Variants in ORC5 observed in about 807,000 individuals in gnomAD.
The protein encoded by ORC5 is protein phosphatase 1, regulatory subunit 117.
Under a neutral mutation model 58.8 loss-of-function variants are expected in ORC5, and 39 were observed. The ratio of observed to expected loss-of-function variants is 0.66; its 90% CI spans 0.51 to 0.87. The LOEUF is 0.87. ORC5 is among the 40% of genes least tolerant of loss of function. The pLI is 0.00. For missense variants in ORC5, 493 were observed against 506.3 expected (o/e 0.97, Z 0.25); for synonymous variants, 218 against 177.6 (o/e 1.23, Z -1.81).
intron 12 of ORC5, among the ~76,000 whole-genome samples, chr7:104,142,166 T>C (rs979056698): frequency 9.2e-5 from 14 of 152,214 alleles, no homozygotes; most frequent in African/African-American, 3.4e-4. Context: ...TAAATGGTAC[T>C]GGAAATATTG....
At chr7:104,157,350 T>C (rs1270560992) in intron 12 of ORC5, among the ~76,000 whole-genome samples, 3 of 152,034 alleles carry the variant, frequency 2.0e-5, no homozygotes, top group Admixed American at 6.6e-5. Flanking sequence ...TGAGAATAAC[T>C]AAGATTGTGT....
intron 1 of ORC5, among the ~76,000 whole-genome samples, chr7:104,205,034 T>C (rs977863723): frequency 6.6e-6 from 1 of 151,568 alleles, no homozygotes; most frequent in African/African-American, 2.4e-5. Context: ...GAGGAAATTA[T>C]AGTCTACATT....
chr7:104,206,198 A>C (rs1364927740), intron 1 of ORC5, among the ~76,000 whole-genome samples: 1 of 152,208 alleles, frequency 6.6e-6, no homozygotes, highest in Non-Finnish European at 1.5e-5. Context: ...AACTGCAATA[A>C]GCTAGTACCT....
At chr7:104,199,733 A>C (rs893779206) in intron 3 of ORC5, among the ~76,000 whole-genome samples, 5 of 152,220 alleles carry the variant, frequency 3.3e-5, no homozygotes, top group Admixed American at 3.3e-4. Flanking sequence ...TTAAGCTGGA[A>C]TGAGTTAAGA....
At position 104,188,195 on chromosome 7, in the gene ORC5, TACAC is replaced by T. The variant is rs34643155; in HGVS notation, c.684+52_684+55del. ...AAATACATATATACACATATATGTA[TACAC>T]ACACACACACACACACACATATATA... On this transcript the variant is annotated intron_variant, in intron 6 of 13. Transcript: ENST00000297431. The T allele has an allele frequency of 4.9e-4, 501 of 1,015,220 alleles. 1 individual carries two copies. The highest frequency in any genetic ancestry group is 5.8e-4 in the Non-Finnish European group (399 of 690,058). 62.9% of individuals were successfully genotyped at this position (1,015,220 alleles called of 1,614,324 possible).
chr7:104,188,494 T>G, intron 5 of ORC5, 113 bp from the exon 6 acceptor site: 1 of 654,284 alleles, frequency 1.5e-6, no homozygotes, highest in Non-Finnish European at 2.5e-6. Context: ...CAGCAACAAT[T>G]AAGGAATAAT....
At chr7:104,204,400 A>T (rs1418603198) in intron 1 of ORC5, among the ~76,000 whole-genome samples, 166 bp from the exon 2 acceptor site, 1 of 152,088 alleles carries the variant, frequency 6.6e-6, no homozygotes, top group Non-Finnish European at 1.5e-5. Context: ...CTTGAATTCA[A>T]CTCTAAGCAC....
intron 13 of ORC5, 91 bp from the exon 14 acceptor site, chr7:104,126,984 T>C (rs1798438998): frequency 3.6e-6 from 3 of 827,330 alleles, no homozygotes; most frequent in Non-Finnish European, 3.9e-6. Context: ...AAATAATTCA[T>C]GACTAATGCT....
intron 12 of ORC5, among the ~76,000 whole-genome samples, chr7:104,152,664 T>C (rs887374662): frequency 6.6e-6 from 1 of 152,148 alleles, no homozygotes; most frequent in Non-Finnish European, 1.5e-5. Context: ...TTTTTGTGTG[T>C]TGTCAGCTAA....
In ORC5 at chr7:104,136,900, G is replaced by C; in HGVS notation, c.1150-7C>G. 6.3e-7 allele frequency: 1 copy of C among 1,580,714 alleles called. No individual in the cohort carries two copies. The highest frequency in any genetic ancestry group is 8.7e-7 in the Non-Finnish European group (1 of 1,149,840). On this transcript the variant is annotated splice_polypyrimidine_tract_variant and splice_region_variant and intron_variant, in intron 12 of 13. Coordinates refer to ENST00000297431, the MANE Select transcript of ORC5 (RefSeq NM_002553.4). The surrounding 1 kb of genome is among the most constrained non-coding windows in gnomAD (Gnocchi z 4.2). ...GGGTCACTAGAGAGGTAATCTAAAA[G>C]AGAACATTTTTATAAGAAACTGTTT...
chr7:104,189,517 T>C (rs756706716), intron 5 of ORC5, among the ~76,000 whole-genome samples: 1 of 152,112 alleles, frequency 6.6e-6, no homozygotes, highest in Non-Finnish European at 1.5e-5. Flanking sequence ...CCCCACCTCC[T>C]GTCCTTGGGA....
intron 4 of ORC5, among the ~76,000 whole-genome samples, chr7:104,196,478 GCCA>G (rs1202776082): frequency 2.0e-5 from 3 of 152,154 alleles, no homozygotes; most frequent in South Asian, 4.2e-4. Context: ...TCCAGAATAG[GCCA>G]CCAATAGCTA....
intron 5 of ORC5, among the ~76,000 whole-genome samples, chr7:104,193,785 C>T (rs10248278): frequency 0.11 from 16,868 of 150,646 alleles, 1,651 homozygotes; most frequent in African/African-American, 0.27. Context: ...TTTAACTTGG[C>T]TCCATTATTA....
At chr7:104,203,011 G>A (rs1799982484) in intron 2 of ORC5, among the ~76,000 whole-genome samples, 1 of 152,176 alleles carries the variant, frequency 6.6e-6, no homozygotes, top group Admixed American at 6.5e-5. Flanking sequence ...AAACAGGGGG[G>A]CATCTGATAC....
intron 13 of ORC5, among the ~76,000 whole-genome samples, chr7:104,128,324 T>C (rs550223990): frequency 6.6e-6 from 1 of 152,164 alleles, no homozygotes; most frequent in Non-Finnish European, 1.5e-5. Context: ...AGTTTCATCA[T>C]GTTGGCCAGG....
chr7:104,197,819 A>C lies in ORC5; in HGVS notation c.367-20T>G, dbSNP rs1799838315. Reference sequence around the variant, plus strand: ...TAGAACCTTTAAAAAACAAAAAAACAAAACAAAAAGAAATGCATTTACAAA... The same window carrying C: ...TAGAACCTTTAAAAAACAAAAAAACCAAACAAAAAGAAATGCATTTACAAA... On this transcript the variant is annotated intron_variant, in intron 3 of 13. Coordinates refer to ENST00000297431, the MANE Select transcript of ORC5 (RefSeq NM_002553.4). The C allele has an allele frequency of 6.8e-7, 1 of 1,469,378 alleles. No homozygotes were observed. The highest frequency in any genetic ancestry group is 9.3e-7 in the Non-Finnish European group (1 of 1,080,188). 91.0% of individuals were successfully genotyped at this position (1,469,378 alleles called of 1,614,324 possible).
rs187761716 is a variant in ORC5 at position 104,166,865 on chromosome 7, A to G, written c.897T>C (p.His299=). ...ACTTAGAGTAATATGGAAGTTCCACATGAGTATGCGCTGAGAGGCCTATAT... is the reference window on the plus strand; with the variant it reads ...ACTTAGAGTAATATGGAAGTTCCACGTGAGTATGCGCTGAGAGGCCTATAT... ...GQLKGLSAHT[H]VELPYYSKFI... is the part of the protein sequence containing the mutation. Residue 299 remains histidine, a synonymous_variant, in exon 10 of 14, where the codon CAT becomes CAC. Coordinates refer to ENST00000297431, the MANE Select transcript of ORC5 (RefSeq NM_002553.4). 8.7e-6 allele frequency: 14 copies of G among 1,606,930 alleles called. No homozygotes were observed. The highest frequency in any genetic ancestry group is 3.3e-4 in the Middle Eastern group (2 of 6,046).
intron 13 of ORC5, among the ~76,000 whole-genome samples, chr7:104,135,388 T>G (rs1168492167): frequency 6.6e-6 from 1 of 152,206 alleles, no homozygotes; most frequent in African/African-American, 2.4e-5. Flanking sequence ...ACTAAAACCC[T>G]TGAATTCATG....
chr7:104,188,220 A>G lies in ORC5; in HGVS notation c.684+31T>C, dbSNP rs768341046. The G allele has an allele frequency of 4.0e-6, 6 of 1,495,330 alleles. No individual in the cohort carries two copies. The South Asian group carries it at 6.8e-5, about 17-fold the overall frequency. 92.6% of individuals were successfully genotyped at this position (1,495,330 alleles called of 1,614,324 possible). ...TACACACACACACACACACACACAT[A>G]TATATATATTCAAGCAAAATGTTCA... On this transcript the variant is annotated intron_variant, in intron 6 of 13. Coordinates refer to ENST00000297431, the MANE Select transcript of ORC5 (RefSeq NM_002553.4).
Sources: allele counts gnomAD v4.1 joint callset (sites outside exome capture counted in the v4.1 genomes callset), GRCh38; gene constraint gnomAD v4.1.1; non-coding constraint Gnocchi (gnomAD v3.1); transcripts MANE v1.5; gene names NCBI Gene and HGNC (gene_info 2026-07-23, HGNC 2026-07-21).